The following CTBP2 variants were observed in gnomAD, a reference collection of about 807,000 sequenced individuals.
CTBP2 encodes the protein C-terminal-binding protein 2.
CTBP2 carries 30 observed loss-of-function variants against 80.3 expected under a neutral mutation model. The observed-to-expected ratio is 0.37, with a 90% confidence interval of 0.28 to 0.51. CTBP2 has a LOEUF of 0.51. Ranked by LOEUF, CTBP2 falls within the 20% of genes least tolerant of loss-of-function variation. The pLI is 0.93. For synonymous variants in CTBP2, 594 were observed against 587.4 expected, an observed-to-expected ratio of 1.01 and a Z score of -0.16; for missense variants, 1,212 against 1,375.3, an observed-to-expected ratio of 0.88 and a Z score of 1.88.
intron 1 of CTBP2, among the ~76,000 whole-genome samples, chr10:125,150,532 C>T (rs115863707): frequency 0.042 from 6,453 of 152,120 alleles, 432 homozygotes; most frequent in African/African-American, 0.14. Flanking sequence ...CAAGAAGCCT[C>T]GGTCAGCCAC....
intron 2 of CTBP2, among the ~76,000 whole-genome samples, chr10:125,049,142 T>C (rs1962091019): frequency 6.7e-6 from 1 of 150,228 alleles, no homozygotes; most frequent in South Asian, 2.1e-4. Context: ...CACCAAGTTC[T>C]AAGATGCTGG....
At position 125,105,682 on chromosome 10, in the gene CTBP2, A is replaced by G. The variant is rs187287752; in HGVS notation, c.-102+5308T>C. Among the ~76,000 whole-genome samples the G allele has an allele frequency of 4.3e-3, 653 of 152,192 alleles. 11 individuals are homozygous for G. The highest frequency in any genetic ancestry group is 0.015 in the African/African-American group (629 of 41,540). Reference sequence around the variant, plus strand: ...TGCTTAAAACCAAGACATTTTTTTAAAAAAAAACAAGTTATTGGTCTAATG... The same window carrying G: ...TGCTTAAAACCAAGACATTTTTTTAGAAAAAAACAAGTTATTGGTCTAATG... On this transcript the variant is annotated intron_variant, in intron 2 of 10. Transcript: ENST00000337195.
At chr10:125,078,641 C>T (rs185764743) in intron 2 of CTBP2, among the ~76,000 whole-genome samples, 54 of 152,060 alleles carry the variant, frequency 3.6e-4, no homozygotes, top group African/African-American at 1.2e-3. Flanking sequence ...AGCCAAGCTG[C>T]GATGGTTGGG....
rs552827911 is a variant in CTBP2 at position 125,072,066 on chromosome 10, C to G, written c.-101-32911G>C. Among the ~76,000 whole-genome samples, 4 of 152,286 alleles carry G rather than the reference C, an allele frequency of 2.6e-5. No individual in the cohort carries two copies. In the East Asian group the frequency reaches 7.7e-4, roughly 29 times the overall value. ...TGGGCTTTTCTGGCCAGAACATAAT[C>G]CACATACATGGCCGGGCACGGTGGC... is the stretch of plus-strand genomic sequence containing the variant. On this transcript the variant is annotated intron_variant, in intron 2 of 10. Transcript: ENST00000337195.
upstream of CTBP2, among the ~76,000 whole-genome samples, chr10:125,028,222 C>A (rs1016053536): frequency 6.6e-6 from 1 of 152,198 alleles, no homozygotes; most frequent in Non-Finnish European, 1.5e-5. Flanking sequence ...TCCACACTGA[C>A]GCTCAGGTTT....
chr10:125,083,017 C>T (rs56288010), intron 2 of CTBP2, among the ~76,000 whole-genome samples: 10,344 of 152,206 alleles, frequency 0.068, 474 homozygotes, highest in Middle Eastern at 0.15. Context: ...GATTTAAGTG[C>T]CCTCTCTCTC....
In CTBP2 at chr10:125,088,507, T is replaced by C. The variant is rs569964888; in HGVS notation, c.-102+22483A>G. On this transcript the variant is annotated intron_variant, in intron 2 of 10. Coordinates refer to the CTBP2 transcript ENST00000337195. ...AACTGAGGGTTTTCTTTGATGCTGC[T>C]GGTCATCACTCAATCAGCCTCAGAG... Among the ~76,000 whole-genome samples, 25 of 152,314 alleles carry C rather than the reference T, an allele frequency of 1.6e-4. 1 individual carries two copies. The highest frequency in any genetic ancestry group is 1.2e-3 in the Admixed American group (19 of 15,306).
intron 1 of CTBP2, among the ~76,000 whole-genome samples, chr10:125,131,416 A>C (rs1191756269): frequency 6.6e-6 from 1 of 152,184 alleles, no homozygotes; most frequent in Non-Finnish European, 1.5e-5. Flanking sequence ...GAGGCCCCCA[A>C]ACAAGGGCAG....
At chr10:125,073,488 G>A (rs1007134421) in intron 2 of CTBP2, among the ~76,000 whole-genome samples, 2 of 152,194 alleles carry the variant, frequency 1.3e-5, no homozygotes, top group East Asian at 1.9e-4. Context: ...TGATCCGCCC[G>A]CCTTGGCCCC....
At chr10:125,048,314 C>T (rs2135145922) in intron 2 of CTBP2, among the ~76,000 whole-genome samples, 1 of 152,254 alleles carries the variant, frequency 6.6e-6, no homozygotes, top group Non-Finnish European at 1.5e-5. Flanking sequence ...GAGCCACCAT[C>T]CTCATTTCTA....
At chr10:125,053,765 A>G (rs1963309782) in intron 2 of CTBP2, among the ~76,000 whole-genome samples, 1 of 152,050 alleles carries the variant, frequency 6.6e-6, no homozygotes, top group South Asian at 2.1e-4. Flanking sequence ...GAGTGGGAAG[A>G]CAGGAAGGGA....
intron 2 of CTBP2, among the ~76,000 whole-genome samples, chr10:125,086,881 G>A (rs1262436046): frequency 2.0e-5 from 3 of 152,112 alleles, no homozygotes; most frequent in East Asian, 3.9e-4. Flanking sequence ...AGGGGGCTCC[G>A]CCTCTAGAAC....
At chr10:125,018,606 T>C (rs1446364196) in intron 1 of CTBP2, among the ~76,000 whole-genome samples, 2 of 151,930 alleles carry the variant, frequency 1.3e-5, no homozygotes, top group Non-Finnish European at 2.9e-5. Context: ...TAGTGACAAT[T>C]ACTAATATTT....
rs751891313 is a variant in CTBP2, at chr10:124,992,838, C to G, written c.2660-26G>C. 7 of 1,535,722 alleles carry G rather than the reference C, an allele frequency of 4.6e-6. No individual in the cohort carries two copies. In the South Asian group the frequency reaches 8.1e-5, roughly 18 times the overall value. On this transcript the variant is annotated intron_variant, in intron 7 of 8. Transcript: ENST00000309035. The stretch of plus-strand genomic sequence containing the variant: ...CTAGGGTAAGATGATTAAAATTAAT[C>G]ATATTATTTTTACAAATCACAGTAA...
Position 124,989,521 on chromosome 10 carries a change from T to C in CTBP2, c.2955A>G (p.Gln985=), listed in dbSNP as rs142997765. ...GATTACCTTCTGGCATTCTCTGCTA[T>C]TGCTCGTTGGGGTGCTCTCGATTGT... The change falls in exon 9 of 9, where the codon CAA becomes CAG. Residue 985 remains glutamine, a synonymous_variant. Coordinates refer to ENST00000309035, the MANE Select transcript of CTBP2 (RefSeq NM_022802.3). The C allele has an allele frequency of 1.7e-4, 276 of 1,612,626 alleles. No individual in the cohort carries two copies. In the African/African-American group the frequency reaches 2.8e-3, roughly 16 times the overall value.
chr10:125,001,311 TGC>T (rs929661641), intron 3 of CTBP2: 6 of 152,002 alleles, frequency 3.9e-5, no homozygotes, highest in Non-Finnish European at 7.3e-5. Context: ...AAGCAAGAGG[TGC>T]GGGGGACAAG....
At chr10:125,053,136 A>G (rs1963165025) in intron 2 of CTBP2, among the ~76,000 whole-genome samples, 1 of 152,198 alleles carries the variant, frequency 6.6e-6, no homozygotes. Flanking sequence ...AGGATAATTC[A>G]AGCATGAATC....
chr10:125,144,249 C>T (rs987079779), intron 1 of CTBP2, among the ~76,000 whole-genome samples: 4 of 152,186 alleles, frequency 2.6e-5, no homozygotes, highest in Non-Finnish European at 4.4e-5. Context: ...TGCACCCACC[C>T]GCTCATCCCT....
chr10:125,026,200 C>A lies in CTBP2; in HGVS notation c.1560G>T (p.Gly520=). ...GGCTGGCCGGCGGCAGGGTGGATGG[C>A]CCCAGGGGTGCACCTGGCTTCCGCA... Residue 520 remains glycine (G), a synonymous_variant, in exon 1 of 9, where the codon GGG becomes GGT. Coordinates refer to ENST00000309035, the MANE Select transcript of CTBP2 (RefSeq NM_022802.3). 6.2e-7 allele frequency: 1 copy of A among 1,613,336 alleles called. No homozygotes were observed. Among genetic ancestry groups the A allele is most frequent in the Non-Finnish European group, 8.5e-7 (1 of 1,179,746 alleles).
Sources: gnomAD v4.1 joint callset for allele counts (sites outside exome capture counted in the v4.1 genomes callset) on GRCh38, gnomAD v4.1.1 for gene constraint, MANE v1.5 for transcripts, NCBI Gene and HGNC (gene_info 2026-07-23, HGNC 2026-07-21) for gene names.